The following TRPM8 variants were observed in gnomAD, a reference collection of about 807,000 sequenced individuals.
The protein encoded by TRPM8 is transient receptor potential cation channel subfamily M member 8, also known as TRPM8 cationic channel.
A neutral mutation model predicts 133.7 loss-of-function variants in TRPM8; 110 were observed. The observed-to-expected ratio is 0.82, with a 90% confidence interval of 0.70 to 0.96. The LOEUF (loss-of-function observed/expected upper bound fraction) is 0.96, where lower values mean the gene tolerates loss of function less well. Among genes scored for constraint, TRPM8 ranks in the 40% least tolerant of loss-of-function variants. The pLI is 0.00. For synonymous variants in TRPM8, 535 were observed against 532.3 expected (o/e 1.01, Z -0.07); for missense variants, 1,291 against 1,379.5 (o/e 0.94, Z 1.02).
chr2:233,953,577 C>T (rs989762628), intron 9 of TRPM8: 1 of 171,970 alleles, frequency 5.8e-6, no homozygotes, highest in East Asian at 1.5e-4. Flanking sequence ...CTACAGTCTT[C>T]TATTGTCCCT....
At chr2:233,969,960 CT>C in intron 16 of TRPM8, 153 bp downstream of exon 16, 1 of 695,224 alleles carries the variant, frequency 1.4e-6, no homozygotes. Flanking sequence ...TCTCCCCTGA[CT>C]TTTCCTGGGT....
intron 17 of TRPM8, among the ~76,000 whole-genome samples, chr2:233,974,981 T>A (rs547792711): frequency 1.3e-5 from 2 of 152,114 alleles, no homozygotes; most frequent in East Asian, 3.9e-4. Context: ...AGTAACTTAC[T>A]GAATTTTTTT....
At chr2:233,963,551 C>T (rs573046647) in intron 13 of TRPM8, among the ~76,000 whole-genome samples, 174 bp downstream of exon 13, 42 of 152,258 alleles carry the variant, frequency 2.8e-4, no homozygotes, top group East Asian at 1.9e-3. Context: ...TGGGAGGGAC[C>T]GTCCCCGGAA....
intron 24 of TRPM8, chr2:234,013,254 G>C (rs1207615383): frequency 6.6e-6 from 1 of 152,158 alleles, no homozygotes; most frequent in African/African-American, 2.4e-5. Context: ...TTCCCAGTAA[G>C]CCATCCTGGG....
intron 21 of TRPM8, among the ~76,000 whole-genome samples, chr2:233,993,861 A>G (rs1692341502): frequency 6.6e-6 from 1 of 152,186 alleles, no homozygotes; most frequent in African/African-American, 2.4e-5. Flanking sequence ...AACAACATCA[A>G]TGCACAAAAA....
chr2:233,926,548 G>A lies in TRPM8; in HGVS notation c.11G>A (p.Arg4Gln). Residue 4 changes from arginine (R) to glutamine (Q), a missense_variant, in exon 2 of 26, where the codon CGG becomes CAG. By Grantham distance (43) the Arg-to-Gln change is conservative. Transcript: ENST00000324695. MSF[R>Q]AARLSMRNRR... ...ATCGTCACAGAAAAGATGTCCTTTCGGGCAGCCAGGCTCAGCATGAGGAAC... is the reference window on the plus strand; with the variant it reads ...ATCGTCACAGAAAAGATGTCCTTTCAGGCAGCCAGGCTCAGCATGAGGAAC... The A allele has an allele frequency of 5.6e-6, 9 of 1,613,920 alleles. No homozygotes were observed. Among genetic ancestry groups the A allele is most frequent in the South Asian group, 2.2e-5 (2 of 91,068 alleles).
In TRPM8 at chr2:233,985,798, C is replaced by T. The variant is rs764777971; in HGVS notation, c.2872C>T (p.Pro958Ser). Residue 958 changes from proline to serine, a missense_variant, in exon 21 of 26, where the codon CCC becomes TCC. This residue lies in a region of TRPM8 where 328 missense variants were observed against 410.6 expected (regional missense o/e 0.80). Transcript: ENST00000324695. ...CCGGTTCCCCGAGTGGATCACCATC[C>T]CCCTGGTGTGCATCTACATGTTATC... The part of the protein sequence containing the change: ...LPRFPEWITI[P>S]LVCIYMLSTN... The T allele has an allele frequency of 6.8e-6, 11 of 1,614,080 alleles. 1 individual carries two copies. In the South Asian group the frequency reaches 7.7e-5, roughly 11 times the overall value.
At chr2:234,010,359 A>C (rs556033820) in intron 24 of TRPM8, among the ~76,000 whole-genome samples, 3 of 152,324 alleles carry the variant, frequency 2.0e-5, no homozygotes, top group Admixed American at 2.0e-4. Context: ...GGTATGTACC[A>C]CATTTTCTTT....
rs558344000 is a variant in TRPM8, at chr2:233,960,546, A to G, written c.1363-230A>G. Among the ~76,000 whole-genome samples, 20 of 152,346 alleles carry G rather than the reference A, an allele frequency of 1.3e-4. No individual in the cohort carries two copies. The South Asian group carries it at 3.9e-3, about 30-fold the overall frequency. ...TCCAAATTCACATCTGGCTGATGAC[A>G]AAGATTTCACCATGCCATTCTCCTG... On this transcript the variant is annotated intron_variant, in intron 11 of 25. Coordinates refer to ENST00000324695, the MANE Select transcript of TRPM8 (RefSeq NM_024080.5).
intron 11 of TRPM8, among the ~76,000 whole-genome samples, chr2:233,956,280 G>A (rs1001118244): frequency 3.3e-5 from 5 of 152,106 alleles, no homozygotes; most frequent in African/African-American, 1.2e-4. Context: ...ACTTCCCCTA[G>A]CCACATGAGT....
chr2:233,925,288 C>T (rs1057111046), intron 1 of TRPM8, among the ~76,000 whole-genome samples: 1 of 152,200 alleles, frequency 6.6e-6, no homozygotes, highest in East Asian at 1.9e-4. Context: ...TAGTGGTGAA[C>T]AAGATACAGT....
Position 234,018,108 on chromosome 2 carries a change from T to C in TRPM8, c.*852T>C, listed in dbSNP as rs201824345. ...ATCACTGCTAACAATTTCTGGATGGTTTTTCAAGTCTATTTTTTTTCTATG... is the reference window on the plus strand; with the variant it reads ...ATCACTGCTAACAATTTCTGGATGGCTTTTCAAGTCTATTTTTTTTCTATG... On this transcript the variant is annotated 3_prime_UTR_variant, in exon 26 of 26. Transcript: ENST00000324695. 2.6e-5 allele frequency: 4 copies of C among 152,132 alleles called. No individual in the cohort carries two copies. Among genetic ancestry groups the C allele is most frequent in the Non-Finnish European group, 4.4e-5 (3 of 68,016 alleles). The allele number at this position is 152,132 out of a possible 1,614,324, so 9.4% of individuals were successfully genotyped here.
intron 17 of TRPM8, among the ~76,000 whole-genome samples, chr2:233,978,877 G>A (rs997364182): frequency 7.2e-5 from 11 of 152,100 alleles, no homozygotes; most frequent in African/African-American, 2.7e-4. Flanking sequence ...CACTCAAGTT[G>A]CTATTCGAAT....
chr2:233,964,723 G>A lies in TRPM8; in HGVS notation c.1845G>A (p.Glu615=). 6.2e-7 allele frequency: 1 copy of A among 1,613,144 alleles called. No individual in the cohort carries two copies. Among genetic ancestry groups the A allele is most frequent in the Non-Finnish European group, 8.5e-7 (1 of 1,179,298 alleles). Residue 615 remains glutamate (E), a synonymous_variant, in exon 14 of 26, where the codon GAG becomes GAA. Transcript: ENST00000324695. ...ACATCAATGCTGCTGGGGAGTCCGA[G>A]GAGCTGGCTAATGAGTACGAGACCC... ...KNDINAAGES[E]ELANEYETRA...
At chr2:233,969,006 A>G (rs1428986765) in intron 15 of TRPM8, among the ~76,000 whole-genome samples, 1 of 152,150 alleles carries the variant, frequency 6.6e-6, no homozygotes, top group East Asian at 1.9e-4. Context: ...CCCTACAGGT[A>G]GTACTGGCTG....
chr2:233,930,911 C>G (rs1023869979), intron 3 of TRPM8, among the ~76,000 whole-genome samples, 170 bp downstream of exon 3: 2 of 152,216 alleles, frequency 1.3e-5, no homozygotes, highest in African/African-American at 4.8e-5. Context: ...ATAGTTGTTA[C>G]TCAGAGCTAT....
rs750049221 is a variant in TRPM8, at chr2:233,926,614, C to T, written c.77C>T (p.Ser26Phe). The change falls in exon 2 of 26, where the codon TCC (serine) becomes TTC (phenylalanine). Residue 26 changes from serine to phenylalanine, a missense_variant. Coordinates refer to ENST00000324695, the MANE Select transcript of TRPM8 (RefSeq NM_024080.5). Reference sequence around the variant, plus strand: ...CTGGACAGCACCCGGACCCTGTACTCCAGCGCGTCTCGGAGCACAGACTTG... The same window carrying T: ...CTGGACAGCACCCGGACCCTGTACTTCAGCGCGTCTCGGAGCACAGACTTG... The part of the protein sequence containing the change: ...DTLDSTRTLY[S>F]SASRSTDLSY... The T allele has an allele frequency of 2.5e-6, 4 of 1,614,008 alleles. No homozygotes were observed. In the African/African-American group the frequency reaches 5.3e-5, roughly 22 times the overall value.
intron 3 of TRPM8, among the ~76,000 whole-genome samples, chr2:233,935,080 T>C (rs772599765): frequency 1.3e-5 from 2 of 152,198 alleles, no homozygotes; most frequent in Non-Finnish European, 2.9e-5. Flanking sequence ...TTTACAAAAA[T>C]CATTGAGGAT....
At chr2:233,949,383 G>T (rs1255315307) in intron 8 of TRPM8, among the ~76,000 whole-genome samples, 2 of 152,156 alleles carry the variant, frequency 1.3e-5, no homozygotes, top group African/African-American at 2.4e-5. Flanking sequence ...TGTTACAAAG[G>T]TCATAAAAGT....
Sources: allele counts gnomAD v4.1 joint callset (sites outside exome capture counted in the v4.1 genomes callset), GRCh38; gene constraint gnomAD v4.1.1; regional missense constraint gnomAD v4.1.1; transcripts MANE v1.5; gene names NCBI Gene and HGNC (gene_info 2026-07-23, HGNC 2026-07-21).